ARHGAP40: variants seen among roughly 807,000 people sequenced by gnomAD.
ARHGAP40 encodes the protein Rho GTPase activating protein 40.
Under a neutral mutation model 73.5 loss-of-function variants are expected in ARHGAP40, and 43 were observed. The observed-to-expected ratio is 0.58, with a 90% CI of 0.46 to 0.75. The LOEUF (loss-of-function observed/expected upper bound fraction) is 0.75, where lower values mean the gene tolerates loss of function less well. ARHGAP40 is among the 30% of genes least tolerant of loss of function. The pLI is 0.00. For missense variants in ARHGAP40, 734 were observed against 861.8 expected (o/e 0.85, Z 1.86); for synonymous variants, 300 against 352.8 (o/e 0.85, Z 1.68).
At position 38,628,842 on chromosome 20, in the gene ARHGAP40, T is replaced by TGTGG. The variant is rs2145605269; in HGVS notation, c.559-80_559-77dup. On this transcript the variant is annotated intron_variant, in intron 3 of 14. Transcript: ENST00000373345. ...AGTGGCTCCATCTGTGAAAAGGGGT[T>TGTGG]GTGGGTGGCTTCTGTCTCCCAGGGT... 4 of 993,748 alleles carry TGTGG rather than the reference T, an allele frequency of 4.0e-6. No individual in the cohort carries two copies. In the South Asian group the frequency reaches 6.2e-5, roughly 15 times the overall value. The allele number at this position is 993,748 out of a possible 1,614,324, so 61.6% of individuals were successfully genotyped here.
chr20:38,609,906 C>T (rs1203001007), intron 1 of ARHGAP40, among the ~76,000 whole-genome samples: 20 of 152,236 alleles, frequency 1.3e-4, no homozygotes. Flanking sequence ...GGATGACAAT[C>T]TGGCTCTTAA....
chr20:38,640,151 C>CTCT (rs1349455897), intron 9 of ARHGAP40, among the ~76,000 whole-genome samples: 1 of 136,766 alleles, frequency 7.3e-6, no homozygotes, highest in Non-Finnish European at 1.6e-5. Flanking sequence ...TTTCTTCTTC[C>CTCT]TCTTCTTTCT....
intron 1 of ARHGAP40, among the ~76,000 whole-genome samples, chr20:38,603,006 C>A (rs961064013): frequency 3.9e-5 from 6 of 152,186 alleles, no homozygotes; most frequent in African/African-American, 1.4e-4. Flanking sequence ...AATTCACATC[C>A]TAGACTTGTA....
chr20:38,650,368 C>T (rs1481927254), exon 15 of ARHGAP40: 2 of 471,404 alleles, frequency 4.2e-6, no homozygotes, highest in Admixed American at 2.3e-5. Flanking sequence ...AGTGGCCCTA[C>T]AATGTGTAGT....
exon 15 of ARHGAP40, chr20:38,649,820 A>G: frequency 5.4e-6 from 7 of 1,305,302 alleles, no homozygotes; most frequent in Non-Finnish European, 7.1e-6. Flanking sequence ...CCGCATGGTG[A>G]GTGGGTCCTT....
chr20:38,632,144 A>G (rs1181443828), intron 5 of ARHGAP40, among the ~76,000 whole-genome samples: 1 of 151,930 alleles, frequency 6.6e-6, no homozygotes, highest in Non-Finnish European at 1.5e-5. Flanking sequence ...TTGTATTTTT[A>G]GTAGAGACAG....
intron 14 of ARHGAP40, among the ~76,000 whole-genome samples, chr20:38,649,538 C>T (rs1423357902): frequency 2.0e-5 from 3 of 150,030 alleles, no homozygotes; most frequent in African/African-American, 7.3e-5. Flanking sequence ...CGTCAGTCAT[C>T]GACCGTGGGC....
In ARHGAP40 at chr20:38,626,975, G is replaced by C. The variant is rs1335299711; in HGVS notation, c.338-20G>C. On this transcript the variant is annotated intron_variant, in intron 2 of 14. Coordinates refer to ENST00000373345, the Ensembl canonical transcript of ARHGAP40. ...GTGCAGAGCTGTGTGTGTTCATCTGGGTTCTACTTCTGTTGGCAGAAGGGG... is the reference window on the plus strand; with the variant it reads ...GTGCAGAGCTGTGTGTGTTCATCTGCGTTCTACTTCTGTTGGCAGAAGGGG... 1.5e-6 allele frequency: 2 copies of C among 1,302,012 alleles called. No individual in the cohort carries two copies. Among genetic ancestry groups the C allele is most frequent in the Non-Finnish European group, 2.0e-6 (2 of 987,818 alleles). 80.7% of individuals were successfully genotyped at this position (1,302,012 alleles called of 1,614,324 possible).
chr20:38,629,299 T>C (rs1280108109), intron 4 of ARHGAP40, among the ~76,000 whole-genome samples: 2 of 152,102 alleles, frequency 1.3e-5, no homozygotes, highest in Admixed American at 6.5e-5. Flanking sequence ...AATCATTTCC[T>C]GGGGGCAATG....
intron 8 of ARHGAP40, 43 bp downstream of exon 8, chr20:38,638,881 C>A: frequency 7.8e-7 from 1 of 1,288,516 alleles, no homozygotes; most frequent in Non-Finnish European, 1.0e-6. Flanking sequence ...TGCATCTCCC[C>A]CATGCTCACA....
At chr20:38,641,630 G>T in intron 9 of ARHGAP40, 96 bp from the exon 10 acceptor site, 1 of 897,690 alleles carries the variant, frequency 1.1e-6, no homozygotes, top group African/African-American at 1.8e-5. Flanking sequence ...GCTGTCCCCT[G>T]GCTTTCCAGC....
chr20:38,614,773 A>G (rs753428424), intron 1 of ARHGAP40: 76 of 622,608 alleles, frequency 1.2e-4, no homozygotes, highest in Middle Eastern at 4.4e-4. Context: ...TGCTTCTCCA[A>G]CAATGTCATG....
chr20:38,634,372 C>T (rs1048300705), intron 5 of ARHGAP40, among the ~76,000 whole-genome samples: 2 of 152,088 alleles, frequency 1.3e-5, no homozygotes, highest in African/African-American at 2.4e-5. Flanking sequence ...AACAAACAAA[C>T]GTGCAAAAAC....
intron 9 of ARHGAP40, among the ~76,000 whole-genome samples, chr20:38,640,125 CTCTTCTTTCT>C (rs1406913551): frequency 1.1e-4 from 16 of 145,120 alleles, no homozygotes; most frequent in South Asian, 6.9e-4. Context: ...CCTCTTCTTC[CTCTTCTTTCT>C]TCTTCTTTCT....
chr20:38,623,442 C>T (rs545672595), exon 2 of ARHGAP40: 2 of 1,290,938 alleles, frequency 1.5e-6, no homozygotes, highest in East Asian at 1.1e-4. Context: ...GCTGGCTGTT[C>T]CACTGGAGTG....
intron 5 of ARHGAP40, among the ~76,000 whole-genome samples, chr20:38,632,174 G>T (rs906570159): frequency 6.6e-6 from 1 of 152,134 alleles, no homozygotes; most frequent in Admixed American, 6.5e-5. Context: ...ATGTTGGCCA[G>T]GCTGGTCTCG....
intron 11 of ARHGAP40, among the ~76,000 whole-genome samples, chr20:38,645,149 CT>C (rs202158541): frequency 0.056 from 8,207 of 147,620 alleles, 751 homozygotes; most frequent in African/African-American, 0.19. Context: ...ATTCCCTTCC[CT>C]TTTTTTTTTT....
exon 3 of ARHGAP40, chr20:38,627,080 G>A (rs979385908): frequency 7.7e-7 from 1 of 1,305,438 alleles, no homozygotes; most frequent in South Asian, 1.2e-5. Context: ...ATCACCAGGA[G>A]CTCCTGTCCA....
exon 15 of ARHGAP40, chr20:38,650,535 CTT>C (rs1278948925): frequency 8.6e-6 from 4 of 466,022 alleles, no homozygotes; most frequent in South Asian, 1.6e-5. Context: ...CAGAGGAAGA[CTT>C]TGCTTCACAG....
Sources: allele counts gnomAD v4.1 joint callset (sites outside exome capture counted in the v4.1 genomes callset), GRCh38; gene constraint gnomAD v4.1.1; transcripts MANE v1.5; gene names NCBI Gene and HGNC (gene_info 2026-07-23, HGNC 2026-07-21).